Variants in CCDC141 observed in about 807,000 individuals in gnomAD.
CCDC141 encodes coiled-coil domain-containing protein 141.
CCDC141 carries 168 observed loss-of-function variants against 181.0 expected under a neutral mutation model. That is an observed-to-expected ratio of 0.93 (90% CI 0.82 to 1.05). The LOEUF is 1.05. Among genes scored for constraint, CCDC141 ranks in the 50% least tolerant of loss-of-function variants. The pLI is 0.00. For synonymous variants in CCDC141, 666 were observed against 642.3 expected, an observed-to-expected ratio of 1.04 and a Z score of -0.56; for missense variants, 1,902 against 1,788.5, an observed-to-expected ratio of 1.06 and a Z score of -1.14.
chr2:179,031,080 A>G (rs1314107740), intron 2 of CCDC141, among the ~76,000 whole-genome samples: 1 of 152,140 alleles, frequency 6.6e-6, no homozygotes. Flanking sequence ...TAAAGTGTAT[A>G]CAGGACTTTG....
At chr2:178,840,112 G>T (rs1684661502) in intron 22 of CCDC141, among the ~76,000 whole-genome samples, 1 of 152,210 alleles carries the variant, frequency 6.6e-6, no homozygotes, top group African/African-American at 2.4e-5. Flanking sequence ...AAGTCCAGCT[G>T]CTCTCCAACT....
chr2:178,897,882 A>G lies in CCDC141; in HGVS notation c.1265+7447T>C, dbSNP rs559181938. On this transcript the variant is annotated intron_variant, in intron 8 of 23. Coordinates refer to ENST00000443758, the MANE Select transcript of CCDC141 (RefSeq NM_173648.4). Reference sequence around the variant, plus strand: ...TGGACCCAGCATTTCCAATCACCACAGATTCCTGTGTCTTAATAAATGCAA... The same window carrying G: ...TGGACCCAGCATTTCCAATCACCACGGATTCCTGTGTCTTAATAAATGCAA... Among the ~76,000 whole-genome samples, 563 of 152,316 alleles carry G rather than the reference A, an allele frequency of 3.7e-3. 7 individuals carry two copies. The highest frequency in any genetic ancestry group is 0.013 in the African/African-American group (526 of 41,574).
At chr2:178,843,349 T>C (rs1339428999) in intron 22 of CCDC141, among the ~76,000 whole-genome samples, 1 of 152,196 alleles carries the variant, frequency 6.6e-6, no homozygotes, top group African/African-American at 2.4e-5. Flanking sequence ...GCACTAAAAT[T>C]CTATAACTCT....
At chr2:178,899,787 A>G (rs751199158) in intron 8 of CCDC141, among the ~76,000 whole-genome samples, 1 of 152,200 alleles carries the variant, frequency 6.6e-6, no homozygotes, top group Non-Finnish European at 1.5e-5. Flanking sequence ...TCTAAACTCC[A>G]TCTTCACTCC....
At chr2:178,984,132 C>T (rs1448305724) in intron 2 of CCDC141, among the ~76,000 whole-genome samples, 11 of 152,068 alleles carry the variant, frequency 7.2e-5, no homozygotes, top group South Asian at 2.1e-4. Context: ...AGAAACCCTA[C>T]GAGCCAGAAG....
intron 22 of CCDC141, among the ~76,000 whole-genome samples, chr2:178,842,965 TTG>T (rs139838976): frequency 1.3e-5 from 2 of 151,752 alleles, no homozygotes; most frequent in Non-Finnish European, 2.9e-5. Context: ...ATCAGGATTA[TTG>T]TGTGTGTGTG....
At chr2:178,835,123 T>G (rs1170652424) in intron 23 of CCDC141, among the ~76,000 whole-genome samples, 1 of 152,124 alleles carries the variant, frequency 6.6e-6, no homozygotes, top group Non-Finnish European at 1.5e-5. Context: ...TTATTCTTTT[T>G]GCCACTCTGG....
chr2:178,908,322 G>A (rs983540518), intron 7 of CCDC141, among the ~76,000 whole-genome samples: 2 of 152,072 alleles, frequency 1.3e-5, no homozygotes, highest in Non-Finnish European at 2.9e-5. Context: ...AGCCTCCCGA[G>A]TAGCTGGGAC....
At chr2:178,826,503 A>AT (rs1045786010), downstream of CCDC141, among the ~76,000 whole-genome samples, 2 of 152,002 alleles carry the variant, frequency 1.3e-5, no homozygotes, top group African/African-American at 4.8e-5. Flanking sequence ...GAGAATGGCT[A>AT]TTTTTTTCCC....
In CCDC141 at chr2:178,853,640, A is replaced by T; in HGVS notation, c.3061-16T>A. The stretch of plus-strand genomic sequence containing the variant: ...AAAAATGACACTAAATTTAAATGGG[A>T]TAAAGCACAGATGAAAGAAATACCA... On this transcript the variant is annotated splice_polypyrimidine_tract_variant and intron_variant, in intron 19 of 23. Transcript: ENST00000443758. The T allele has an allele frequency of 6.2e-7, 1 of 1,601,180 alleles. No homozygotes were observed. The highest frequency in any genetic ancestry group is 1.7e-5 in the Admixed American group (1 of 58,018).
chr2:178,933,286 A>T (rs1689165932), intron 6 of CCDC141, among the ~76,000 whole-genome samples: 1 of 152,228 alleles, frequency 6.6e-6, no homozygotes, highest in Non-Finnish European at 1.5e-5. Context: ...TAAGACAACA[A>T]TATAAGAAGT....
intron 9 of CCDC141, among the ~76,000 whole-genome samples, chr2:178,887,554 G>T (rs1241035574): frequency 6.6e-6 from 1 of 152,128 alleles, no homozygotes; most frequent in Non-Finnish European, 1.5e-5. Context: ...AACAGCTGAG[G>T]TCCTACTGTT....
intron 6 of CCDC141, among the ~76,000 whole-genome samples, chr2:178,923,072 C>T (rs1159829509): frequency 6.7e-6 from 1 of 150,106 alleles, no homozygotes; most frequent in African/African-American, 2.5e-5. Context: ...AGCCATTTTT[C>T]ATAGGGGACA....
intron 8 of CCDC141, among the ~76,000 whole-genome samples, chr2:178,893,133 G>T (rs1240290733): frequency 6.6e-6 from 1 of 152,048 alleles, no homozygotes; most frequent in Non-Finnish European, 1.5e-5. Flanking sequence ...AGCTTCTTCA[G>T]GCATTTGTTA....
At chr2:179,026,739 C>T (rs2042857046) in intron 2 of CCDC141, among the ~76,000 whole-genome samples, 1 of 152,238 alleles carries the variant, frequency 6.6e-6, no homozygotes, top group South Asian at 2.1e-4. Flanking sequence ...CTCATGAAAG[C>T]AGCCAGGAGG....
chr2:178,942,002 G>C (rs981593472), intron 6 of CCDC141, among the ~76,000 whole-genome samples: 1 of 99,362 alleles, frequency 1.0e-5, no homozygotes, highest in African/African-American at 4.1e-5. Context: ...AAAAAAAAAA[G>C]GGAAAAGAAA....
chr2:178,875,477 A>C (rs1686318309), intron 12 of CCDC141: 1 of 152,058 alleles, frequency 6.6e-6, no homozygotes, highest in Non-Finnish European at 1.5e-5. Flanking sequence ...AGGCATGAGA[A>C]TTGCTTGAAC....
At chr2:178,860,543 C>CTTTTTTTTTTTTT (rs71023458) in intron 17 of CCDC141, among the ~76,000 whole-genome samples, 2 of 51,338 alleles carry the variant, frequency 3.9e-5, no homozygotes, top group African/African-American at 8.4e-5. Flanking sequence ...AAAAACAACA[C>CTTTTTTTTTTTTT]TTTTTTTTTT....
intron 2 of CCDC141, among the ~76,000 whole-genome samples, chr2:178,991,063 A>G (rs1383306616): frequency 6.6e-6 from 1 of 152,188 alleles, no homozygotes; most frequent in African/African-American, 2.4e-5. Context: ...AGTTTTAGCT[A>G]TTGGCTACTG....
Sources: gnomAD v4.1 joint callset for allele counts (sites outside exome capture counted in the v4.1 genomes callset) on GRCh38, gnomAD v4.1.1 for gene constraint, MANE v1.5 for transcripts, NCBI Gene and HGNC (gene_info 2026-07-23, HGNC 2026-07-21) for gene names.